FBXW7: variants seen among roughly 807,000 people sequenced by gnomAD.
The protein encoded by FBXW7 is F-box/WD repeat-containing protein 7.
Under a neutral mutation model 86.3 loss-of-function variants are expected in FBXW7, and 11 were observed. The ratio of observed to expected loss-of-function variants is 0.13; its 90% CI spans 0.08 to 0.21. The LOEUF is 0.21. Ranked by LOEUF, FBXW7 falls within the 10% of genes least tolerant of loss-of-function variation. FBXW7 has a pLI of 1.00. For missense variants in FBXW7, 488 were observed against 847.4 expected (o/e 0.58, Z 5.27); for synonymous variants, 313 against 297.9 (o/e 1.05, Z -0.52).
chr4:152,346,902 T>C (rs971377459), intron 6 of FBXW7, 28 bp downstream of exon 6: 1 of 1,608,504 alleles, frequency 6.2e-7, no homozygotes, highest in Middle Eastern at 1.7e-4. Flanking sequence ...AAGTGAGGCA[T>C]TTCAAGTACT....
chr4:152,466,822 G>T (rs1743488650), intron 2 of FBXW7, among the ~76,000 whole-genome samples: 1 of 149,598 alleles, frequency 6.7e-6, no homozygotes, highest in Admixed American at 6.7e-5. Context: ...GGCACCTGTA[G>T]TCCCAGCTAC....
intron 6 of FBXW7, among the ~76,000 whole-genome samples, chr4:152,344,931 A>C (rs1269501967): frequency 6.6e-6 from 1 of 152,206 alleles, no homozygotes; most frequent in Admixed American, 6.5e-5. Context: ...AATGATGATA[A>C]AACTATTGCT....
chr4:152,392,158 C>T, intron 4 of FBXW7, among the ~76,000 whole-genome samples: 1 of 152,126 alleles, frequency 6.6e-6, no homozygotes, highest in Non-Finnish European at 1.5e-5. Flanking sequence ...CGCTGTCCCC[C>T]ATCTTGCATG....
chr4:152,404,622 T>C (rs1344388857), intron 4 of FBXW7, among the ~76,000 whole-genome samples: 2 of 152,204 alleles, frequency 1.3e-5, no homozygotes, highest in African/African-American at 4.8e-5. Context: ...GCTGTATGAA[T>C]TGCCTTCAAC....
At chr4:152,352,640 G>A (rs746817956) in intron 4 of FBXW7, 5 of 1,613,738 alleles carry the variant, frequency 3.1e-6, no homozygotes, top group Admixed American at 3.3e-5. Flanking sequence ...AGGCACGTCA[G>A]AAAAGGAAGA....
At chr4:152,326,318 A>T in intron 11 of FBXW7, 87 bp from the exon 12 acceptor site, 3 of 902,774 alleles carry the variant, frequency 3.3e-6, no homozygotes, top group Non-Finnish European at 5.0e-6. Flanking sequence ...TGGTAGATTT[A>T]GTCAAGGTTT....
chr4:152,420,189 G>A (rs1301287564), intron 2 of FBXW7, among the ~76,000 whole-genome samples: 2 of 152,058 alleles, frequency 1.3e-5, no homozygotes, highest in Non-Finnish European at 2.9e-5. Context: ...TCTTCACTAG[G>A]AGTAGGTTCC....
intron 4 of FBXW7, among the ~76,000 whole-genome samples, chr4:152,371,188 A>G (rs1276611194): frequency 6.6e-6 from 1 of 151,926 alleles, no homozygotes; most frequent in African/African-American, 2.4e-5. Flanking sequence ...ATACCAAAAT[A>G]TAACACAAAT....
chr4:152,480,898 A>ATTT (rs1245853436), intron 2 of FBXW7, among the ~76,000 whole-genome samples: 4 of 152,196 alleles, frequency 2.6e-5, no homozygotes, highest in African/African-American at 7.2e-5. Context: ...GTCTCCATAA[A>ATTT]AGTACAAGAT....
chr4:152,352,818 G>A lies in FBXW7; in HGVS notation c.502-2694C>T, dbSNP rs1271585859. On this transcript the variant is annotated intron_variant, in intron 4 of 13. Transcript: ENST00000281708. Reference sequence around the variant, plus strand: ...TTGGAGGAGACTATGCCCTGTCAAAGCCTTGACTGAACAGATTCCTCCCTC... The same window carrying A: ...TTGGAGGAGACTATGCCCTGTCAAAACCTTGACTGAACAGATTCCTCCCTC... 2.6e-6 allele frequency: 4 copies of A among 1,554,934 alleles called. No homozygotes were observed. In the African/African-American group the frequency reaches 5.4e-5, roughly 21 times the overall value.
intron 2 of FBXW7, among the ~76,000 whole-genome samples, chr4:152,497,465 C>G (rs1163669139): frequency 6.6e-6 from 1 of 150,814 alleles, no homozygotes; most frequent in Admixed American, 6.6e-5. Flanking sequence ...GTTCAATACC[C>G]AATAGGAAAA....
chr4:152,438,105 C>T (rs1040722148), intron 2 of FBXW7, among the ~76,000 whole-genome samples: 11 of 151,920 alleles, frequency 7.2e-5, no homozygotes, highest in African/African-American at 2.7e-4. Context: ...ACCTGAGAGG[C>T]GGAGGTTACA....
intron 2 of FBXW7, among the ~76,000 whole-genome samples, chr4:152,475,160 G>C (rs555206593): frequency 9.4e-4 from 142 of 151,012 alleles, no homozygotes; most frequent in African/African-American, 3.3e-3. Context: ...ATAATAAGAG[G>C]CCAAGTGTGG....
chr4:152,396,918 A>G (rs927526844), intron 4 of FBXW7, among the ~76,000 whole-genome samples: 4 of 152,070 alleles, frequency 2.6e-5, no homozygotes, highest in African/African-American at 9.7e-5. Context: ...GAGGACTAAC[A>G]TCTCGGTAAA....
At chr4:152,418,155 A>ACACAC (rs1553973677) in intron 2 of FBXW7, among the ~76,000 whole-genome samples, 1 of 151,928 alleles carries the variant, frequency 6.6e-6, no homozygotes, top group East Asian at 1.9e-4. Context: ...ACACACACAC[A>ACACAC]CACACACAAA....
At position 152,426,205 on chromosome 4, in the gene FBXW7, T is replaced by C. The variant is rs111845060; in HGVS notation, c.-119-13676A>G. Among the ~76,000 whole-genome samples, 72 of 152,172 alleles carry C rather than the reference T, an allele frequency of 4.7e-4. 1 individual carries two copies. The highest frequency in any genetic ancestry group is 1.7e-3 in the African/African-American group (71 of 41,500). On this transcript the variant is annotated intron_variant, in intron 2 of 13. Coordinates refer to ENST00000281708, the MANE Select transcript of FBXW7 (RefSeq NM_001349798.2). ...TAAAGCTCCAAGGAAGAATGCAGCT[T>C]GAGAGATGTATGACTAAATAAGCTA...
chr4:152,343,752 T>C (rs1052191580), intron 6 of FBXW7, among the ~76,000 whole-genome samples: 53 of 152,096 alleles, frequency 3.5e-4, no homozygotes, highest in African/African-American at 1.3e-3. Context: ...CTAAATTAAC[T>C]GAAGCATCAA....
At chr4:152,430,155 T>C (rs1198305730) in intron 2 of FBXW7, among the ~76,000 whole-genome samples, 1 of 152,222 alleles carries the variant, frequency 6.6e-6, no homozygotes, top group African/African-American at 2.4e-5. Context: ...TGACCATGGT[T>C]ACTATCTTCC....
chr4:152,446,149 T>C (rs1287744471), intron 2 of FBXW7, among the ~76,000 whole-genome samples: 1 of 152,134 alleles, frequency 6.6e-6, no homozygotes, highest in Non-Finnish European at 1.5e-5. Flanking sequence ...CTAATGACAT[T>C]ATCTTTGTTA....
Sources: allele counts gnomAD v4.1 joint callset (sites outside exome capture counted in the v4.1 genomes callset), GRCh38; gene constraint gnomAD v4.1.1; transcripts MANE v1.5; gene names NCBI Gene and HGNC (gene_info 2026-07-23, HGNC 2026-07-21).